PIGG: variants seen among roughly 807,000 people sequenced by gnomAD.
The protein encoded by PIGG is GPI ethanolamine phosphate transferase 2, catalytic subunit.
In PIGG, 70 loss-of-function variants were observed where a neutral mutation model predicts 83.2. The ratio of observed to expected loss-of-function variants is 0.84; its 90% CI spans 0.69 to 1.03. PIGG has a LOEUF of 1.03. Ranked by LOEUF, PIGG falls within the 50% of genes least tolerant of loss-of-function variation. PIGG has a pLI of 0.00. For synonymous variants in PIGG, 532 were observed against 519.5 expected (o/e 1.02, Z -0.33); for missense variants, 1,257 against 1,233.6 (o/e 1.02, Z -0.28).
intron 12 of PIGG, chr4:536,137 T>C (rs1241319145): frequency 6.6e-6 from 1 of 152,220 alleles, no homozygotes; most frequent in Non-Finnish European, 1.5e-5. Flanking sequence ...ATGGTGGAAG[T>C]GTTCGTGCCC....
intron 2 of PIGG, chr4:501,070 C>T (rs1282655453): frequency 2.2e-6 from 1 of 455,086 alleles, no homozygotes; most frequent in Non-Finnish European, 4.4e-6. Flanking sequence ...CCGGCCTCAA[C>T]AATTACCACT....
At chr4:523,082 C>T (rs1204317492) in intron 8 of PIGG, among the ~76,000 whole-genome samples, 1 of 152,152 alleles carries the variant, frequency 6.6e-6, no homozygotes, top group African/African-American at 2.4e-5. Context: ...GAAGCGGGAG[C>T]GTGGAGGGCC....
rs538195546 is a variant in PIGG, at chr4:528,849, C to T, written c.2262-1587C>T. The T allele has an allele frequency of 5.3e-4, 211 of 400,836 alleles. 2 individuals are homozygous for T. The South Asian group carries it at 0.015, about 29-fold the overall frequency. 24.8% of individuals were successfully genotyped at this position (400,836 alleles called of 1,614,324 possible). A position where few individuals can be genotyped will look rare whatever the true frequency, so the allele number is the denominator to read the frequency against. On this transcript the variant is annotated intron_variant, in intron 10 of 12. Coordinates refer to ENST00000453061, the MANE Select transcript of PIGG (RefSeq NM_001127178.3). This position sits in a 1 kb window ranked among gnomAD's most constrained non-coding sequence, Gnocchi z 4.8. ...CCAGTGTGCCTTTTCTTTCCACACG[C>T]ACTGCCTGGTTCACCTTCTTCCTGT...
intron 11 of PIGG, chr4:531,070 T>G: frequency 3.5e-6 from 1 of 282,538 alleles, no homozygotes; most frequent in South Asian, 5.9e-5. Context: ...TTGTTCTCGT[T>G]CATGCCCTTT....
chr4:523,603 C>G lies in PIGG; in HGVS notation c.1759C>G (p.Leu587Val). ...TWYFLVNTLCLALSQETYRNY... is the reference protein window; with the variant it reads ...TWYFLVNTLCVALSQETYRNY... Reference sequence around the variant, plus strand: ...GTACTTCCTTGTGAACACCCTGTGTCTAGCTCTGAGCCAAGAAACCTACAG... The same window carrying G: ...GTACTTCCTTGTGAACACCCTGTGTGTAGCTCTGAGCCAAGAAACCTACAG... The change falls in exon 9 of 13, where the codon CTA becomes GTA. Residue 587 changes from leucine to valine, a missense_variant. By Grantham distance (32) the Leu-to-Val change is conservative (BLOSUM62 1). Coordinates refer to ENST00000453061, the MANE Select transcript of PIGG (RefSeq NM_001127178.3). 1 of 1,614,188 alleles carries G rather than the reference C, an allele frequency of 6.2e-7. No homozygotes were observed. Among genetic ancestry groups the G allele is most frequent in the East Asian group, 2.2e-5 (1 of 44,882 alleles).
intron 5 of PIGG, among the ~76,000 whole-genome samples, chr4:514,917 G>A (rs983252352): frequency 2.6e-4 from 40 of 152,260 alleles, no homozygotes; most frequent in African/African-American, 8.7e-4. Flanking sequence ...TTTATTTTTT[G>A]TGTCAGCTCA....
chr4:510,353 T>C (rs1255641155), intron 5 of PIGG, among the ~76,000 whole-genome samples: 1 of 152,210 alleles, frequency 6.6e-6, no homozygotes, highest in Non-Finnish European at 1.5e-5. Flanking sequence ...TCTCATGCTA[T>C]TGTTTGTGGC....
intron 4 of PIGG, among the ~76,000 whole-genome samples, chr4:507,980 ACT>A (rs1281607896): frequency 2.7e-5 from 4 of 146,230 alleles, no homozygotes; most frequent in Admixed American, 6.7e-5. Context: ...GTTCTGTGTC[ACT>A]CTCTCTGCTC....
rs1476462444 is a variant in PIGG at position 528,569 on chromosome 4, G to A, written c.2261+1339G>A. 1.0e-6 allele frequency: 1 copy of A among 985,304 alleles called. No homozygotes were observed. The highest frequency in any genetic ancestry group is 1.7e-5 in the African/African-American group (1 of 57,238). 61.0% of individuals were successfully genotyped at this position (985,304 alleles called of 1,614,324 possible). ...CGGGGCCGGGGCCTGGGGCAGAGAG[G>A]ATGCTGACGTGCAGGTACCAGCGGT... is the stretch of plus-strand genomic sequence containing the variant. On this transcript the variant is annotated intron_variant, in intron 10 of 12. Coordinates refer to ENST00000453061, the MANE Select transcript of PIGG (RefSeq NM_001127178.3). The surrounding 1 kb of genome is among the most constrained non-coding windows in gnomAD (Gnocchi z 4.8).
At chr4:533,701 G>A (rs1041216477) in intron 11 of PIGG, 117 bp from the exon 12 acceptor site, 25 of 913,262 alleles carry the variant, frequency 2.7e-5, no homozygotes, top group Admixed American at 8.1e-5. Context: ...TGTCCGTGCC[G>A]GCGTGGTTAT....
Position 528,986 on chromosome 4 carries a change from C to T in PIGG, c.2262-1450C>T, listed in dbSNP as rs776432682. Among the ~76,000 whole-genome samples, 26 of 152,246 alleles carry T rather than the reference C, an allele frequency of 1.7e-4. No individual in the cohort carries two copies. The East Asian group carries it at 2.7e-3, about 16-fold the overall frequency. ...AGCTGCCGCTCTCCTGTCAGTCCCCCGGGCCCTGCCATCCACTGAGAGTCT... is the reference window on the plus strand; with the variant it reads ...AGCTGCCGCTCTCCTGTCAGTCCCCTGGGCCCTGCCATCCACTGAGAGTCT... On this transcript the variant is annotated intron_variant, in intron 10 of 12. Coordinates refer to ENST00000453061, the MANE Select transcript of PIGG (RefSeq NM_001127178.3). This position sits in a 1 kb window ranked among gnomAD's most constrained non-coding sequence, Gnocchi z 4.8.
chr4:530,344 C>T, intron 10 of PIGG, 92 bp from the exon 11 acceptor site: 3 of 883,414 alleles, frequency 3.4e-6, no homozygotes, highest in Non-Finnish European at 5.4e-6. Flanking sequence ...TTTACTGGTT[C>T]CCTGGGTAGA....
intron 9 of PIGG, among the ~76,000 whole-genome samples, chr4:526,451 G>A (rs1218516447): frequency 5.9e-5 from 9 of 152,206 alleles, no homozygotes; most frequent in Admixed American, 3.3e-4. Flanking sequence ...CTGACAGGCC[G>A]TCAACCTCTG....
rs185719714 is a variant in PIGG, at chr4:503,213, C to T, written c.361-2505C>T. ...GAGCTGGTATCTCCACTGCCACCAC[C>T]GTCGTCCAGGCTGCTGTGGGCTCCA... On this transcript the variant is annotated intron_variant, in intron 2 of 12. Coordinates refer to ENST00000453061, the MANE Select transcript of PIGG (RefSeq NM_001127178.3). Among the ~76,000 whole-genome samples the T allele has an allele frequency of 2.4e-3, 368 of 152,282 alleles. 3 individuals are homozygous for T. Among genetic ancestry groups the T allele is most frequent in the Non-Finnish European group, 4.5e-3 (308 of 68,022 alleles).
At chr4:520,942 G>C in intron 6 of PIGG, 114 bp from the exon 7 acceptor site, 1 of 735,714 alleles carries the variant, frequency 1.4e-6, no homozygotes, top group South Asian at 1.7e-5. Flanking sequence ...CGTCAGTTGT[G>C]AAAAGTGAAG....
chr4:535,532 T>C (rs1270855339), intron 12 of PIGG, among the ~76,000 whole-genome samples: 1 of 118,950 alleles, frequency 8.4e-6, no homozygotes, highest in African/African-American at 4.1e-5. Flanking sequence ...GCTTTGCGTG[T>C]GTCCTGTGGT....
rs1728300948 is a variant in PIGG, at chr4:528,631, A to G, written c.2261+1401A>G. 1 of 985,120 alleles carries G rather than the reference A, an allele frequency of 1.0e-6. No homozygotes were observed. The highest frequency in any genetic ancestry group is 1.7e-5 in the African/African-American group (1 of 57,216). 61.0% of individuals were successfully genotyped at this position (985,120 alleles called of 1,614,324 possible). On this transcript the variant is annotated intron_variant, in intron 10 of 12. Coordinates refer to ENST00000453061, the MANE Select transcript of PIGG (RefSeq NM_001127178.3). The surrounding 1 kb of genome is among the most constrained non-coding windows in gnomAD (Gnocchi z 4.8). ...ATGTCTCAAAGGCTGTTGACTTTGGAATCTGAGACTTAGGGCTCATCCAAA... is the reference window on the plus strand; with the variant it reads ...ATGTCTCAAAGGCTGTTGACTTTGGGATCTGAGACTTAGGGCTCATCCAAA...
intron 12 of PIGG, chr4:537,034 G>T (rs910885573): frequency 1.3e-5 from 2 of 152,200 alleles, no homozygotes; most frequent in Admixed American, 1.3e-4. Context: ...TAAGTGAGGT[G>T]AAAGCATTTT....
rs1716737225 is a variant in PIGG, at chr4:499,491, T to TACGG, written c.154+5_154+8dup. The TACGG allele has an allele frequency of 6.3e-7, 1 of 1,591,412 alleles. No individual in the cohort carries two copies. Among genetic ancestry groups the TACGG allele is most frequent in the Admixed American group, 1.7e-5 (1 of 59,398 alleles). ...CCCCAGCGCCCGAACCCTCGGCTGG[T>TACGG]ACGGACCCCTCCCCGGCGTCTCCGC... On this transcript the variant is annotated splice_region_variant and intron_variant, in intron 1 of 12. Coordinates refer to ENST00000453061, the MANE Select transcript of PIGG (RefSeq NM_001127178.3).
Sources: gnomAD v4.1 joint callset for allele counts (sites outside exome capture counted in the v4.1 genomes callset) on GRCh38, gnomAD v4.1.1 for gene constraint, Gnocchi (gnomAD v3.1) non-coding constraint, MANE v1.5 for transcripts, NCBI Gene and HGNC (gene_info 2026-07-23, HGNC 2026-07-21) for gene names.